UNC13B: variants seen among roughly 807,000 people sequenced by gnomAD.
The protein encoded by UNC13B is unc-13 homolog B.
In UNC13B, 144 loss-of-function variants were observed where a neutral mutation model predicts 211.0. The observed-to-expected ratio is 0.68, with a 90% CI of 0.60 to 0.78. The LOEUF is 0.78. UNC13B is among the 30% of genes least tolerant of loss of function. The pLI is 0.00. For synonymous variants in UNC13B, 709 were observed against 725.8 expected (o/e 0.98, Z 0.37); for missense variants, 1,777 against 2,002.0 (o/e 0.89, Z 2.14).
At chr9:35,382,274 T>C in intron 20 of UNC13B, 83 bp from the exon 21 acceptor site, 1 of 1,527,578 alleles carries the variant, frequency 6.5e-7, no homozygotes, top group East Asian at 2.3e-5. Flanking sequence ...GCTTCATTTA[T>C]CCCATAAACT....
intron 11 of UNC13B, among the ~76,000 whole-genome samples, chr9:35,341,431 C>T (rs775026550): frequency 1.3e-5 from 2 of 152,164 alleles, no homozygotes; most frequent in East Asian, 3.9e-4. Flanking sequence ...TATATATACA[C>T]GAAACCAACC....
At position 35,389,980 on chromosome 9, in the gene UNC13B, A is replaced by G. The variant is rs373043399; in HGVS notation, c.11222+7A>G. On this transcript the variant is annotated splice_region_variant and intron_variant, in intron 25 of 39. Transcript: ENST00000635942. ...ACACACCTGTTCTGAACCAGTGAGT[A>G]TCACCCTCTTTGGCCCTGTCTGTTG... 2 of 1,613,544 alleles carry G rather than the reference A, an allele frequency of 1.2e-6. No homozygotes were observed. The highest frequency in any genetic ancestry group is 8.5e-7 in the Non-Finnish European group (1 of 1,179,526).
intron 7 of UNC13B, among the ~76,000 whole-genome samples, chr9:35,293,014 T>G (rs1829170667): frequency 6.6e-6 from 1 of 152,236 alleles, no homozygotes; most frequent in East Asian, 1.9e-4. Flanking sequence ...CCTTTTTAGT[T>G]TCTAATCAGG....
intron 1 of UNC13B, among the ~76,000 whole-genome samples, chr9:35,225,956 T>A (rs1453710931): frequency 2.6e-5 from 4 of 152,102 alleles, no homozygotes; most frequent in Admixed American, 2.6e-4. Flanking sequence ...CATGTGTGGC[T>A]TTTAGTGGTG....
At position 35,264,151 on chromosome 9, in the gene UNC13B, G is replaced by A. The variant is rs562570272; in HGVS notation, c.526+5101G>A. Among the ~76,000 whole-genome samples the A allele has an allele frequency of 5.5e-4, 84 of 152,250 alleles. 1 individual carries two copies. The South Asian group carries it at 0.016, about 30-fold the overall frequency. On this transcript the variant is annotated intron_variant, in intron 7 of 39. Coordinates refer to ENST00000635942, the MANE Select transcript of UNC13B (RefSeq NM_001371189.2). ...CTGAGATTTCCATGAAGGGGTTATT[G>A]TTAGAAATATGGACATGAAAGGTGA...
chr9:35,163,415 C>A (rs771894744), intron 1 of UNC13B, among the ~76,000 whole-genome samples: 1 of 152,208 alleles, frequency 6.6e-6, no homozygotes, highest in Non-Finnish European at 1.5e-5. Context: ...TTTGTTGAAT[C>A]TGCATTAACC....
intron 1 of UNC13B, among the ~76,000 whole-genome samples, chr9:35,197,835 C>T (rs1227998574): frequency 6.6e-6 from 1 of 152,174 alleles, no homozygotes; most frequent in Non-Finnish European, 1.5e-5. Context: ...CCTAAGTTTC[C>T]TGAGGCATCC....
At chr9:35,335,316 G>A (rs1831592618) in intron 11 of UNC13B, among the ~76,000 whole-genome samples, 1 of 152,200 alleles carries the variant, frequency 6.6e-6, no homozygotes, top group Admixed American at 6.5e-5. Context: ...GCAAGCATAT[G>A]CCATGGGGGA....
chr9:35,336,577 G>A (rs1202555972), intron 11 of UNC13B, among the ~76,000 whole-genome samples: 1 of 152,106 alleles, frequency 6.6e-6, no homozygotes, highest in Admixed American at 6.5e-5. Flanking sequence ...GCTCACTGCT[G>A]CCTTGACGCC....
intron 1 of UNC13B, among the ~76,000 whole-genome samples, chr9:35,221,697 A>G (rs1361981424): frequency 6.6e-6 from 1 of 152,094 alleles, no homozygotes; most frequent in Non-Finnish European, 1.5e-5. Context: ...AACTTCATGC[A>G]TTTTGCATAC....
At position 35,384,334 on chromosome 9, in the gene UNC13B, T is replaced by C; in HGVS notation, c.10875+20T>C. 6.2e-7 allele frequency: 1 copy of C among 1,612,804 alleles called. No homozygotes were observed. Among genetic ancestry groups the C allele is most frequent in the Non-Finnish European group, 8.5e-7 (1 of 1,179,418 alleles). On this transcript the variant is annotated intron_variant, in intron 22 of 39. Transcript: ENST00000635942. ...TACAGGGTGAGTGAAGACACGGCTG[T>C]GGGCAGGATAATAGATATCAAGCAC... is the stretch of plus-strand genomic sequence containing the variant.
At chr9:35,362,666 G>C (rs531265059) in intron 11 of UNC13B, among the ~76,000 whole-genome samples, 46 of 152,286 alleles carry the variant, frequency 3.0e-4, no homozygotes, top group Admixed American at 9.8e-4. Flanking sequence ...TGGGCATGGT[G>C]GTGGGCGCCT....
chr9:35,368,252 C>CT (rs1334610330), intron 12 of UNC13B, among the ~76,000 whole-genome samples: 1 of 152,156 alleles, frequency 6.6e-6, no homozygotes, highest in African/African-American at 2.4e-5. Flanking sequence ...TTGTTACCCT[C>CT]TTTGTGTCCA....
chr9:35,239,344 G>GC (rs1210976522), intron 5 of UNC13B, among the ~76,000 whole-genome samples: 1 of 152,090 alleles, frequency 6.6e-6, no homozygotes, highest in Non-Finnish European at 1.5e-5. Flanking sequence ...GTTCTGTGAT[G>GC]CCCCCCAAGC....
At chr9:35,353,814 T>C in intron 11 of UNC13B, 1 of 1,229,934 alleles carries the variant, frequency 8.1e-7, no homozygotes, top group African/African-American at 1.6e-5. Context: ...CACTCAGGTA[T>C]TCTGAGTCAC....
chr9:35,315,415 A>G (rs1334744024), intron 11 of UNC13B, among the ~76,000 whole-genome samples: 2 of 152,188 alleles, frequency 1.3e-5, no homozygotes, highest in African/African-American at 2.4e-5. Flanking sequence ...AGTTGCAAAA[A>G]CAGTAAAGAA....
intron 31 of UNC13B, 112 bp downstream of exon 31, chr9:35,398,400 C>A: frequency 7.1e-7 from 1 of 1,411,202 alleles, no homozygotes; most frequent in Non-Finnish European, 9.9e-7. Context: ...AGCTTGGGGT[C>A]TGGGCTGGCT....
chr9:35,296,014 C>G (rs1284459590), intron 8 of UNC13B, 84 bp downstream of exon 8: 1 of 1,286,134 alleles, frequency 7.8e-7, no homozygotes, highest in Admixed American at 2.1e-5. Context: ...GATGCTTTAA[C>G]CTGAAGAGGT....
intron 7 of UNC13B, among the ~76,000 whole-genome samples, chr9:35,289,947 A>C (rs1483747870): frequency 6.6e-6 from 1 of 152,058 alleles, no homozygotes; most frequent in Admixed American, 6.6e-5. Flanking sequence ...CCGCACTCCA[A>C]CCTGGGTGAC....
Sources: allele counts gnomAD v4.1 joint callset (sites outside exome capture counted in the v4.1 genomes callset), GRCh38; gene constraint gnomAD v4.1.1; transcripts MANE v1.5; gene names NCBI Gene and HGNC (gene_info 2026-07-23, HGNC 2026-07-21).